Variants in CSMD2 observed in about 807,000 individuals in gnomAD.
CSMD2 encodes CUB and sushi domain-containing protein 2.
In CSMD2, 130 loss-of-function variants were observed where a neutral mutation model predicts 398.5. The observed-to-expected ratio is 0.33, with a 90% CI of 0.28 to 0.38. The LOEUF is 0.38. Ranked by LOEUF, CSMD2 falls within the 10% of genes least tolerant of loss-of-function variation. The probability of loss-of-function intolerance (pLI) is 1.00; values close to 1 mark genes in which losing one functional copy is unlikely to be tolerated. For missense variants in CSMD2, 3,829 were observed against 4,764.9 expected (o/e 0.80, Z 5.78); for synonymous variants, 1,828 against 1,908.5 (o/e 0.96, Z 1.10).
intron 3 of CSMD2, among the ~76,000 whole-genome samples, chr1:34,020,629 G>C (rs912199399): frequency 8.3e-6 from 1 of 121,102 alleles, no homozygotes; most frequent in Non-Finnish European, 1.7e-5. Context: ...GAACACGGTG[G>C]AGAGTGTGGG....
chr1:33,933,714 C>G (rs1337035149), intron 4 of CSMD2, among the ~76,000 whole-genome samples: 2 of 152,052 alleles, frequency 1.3e-5, no homozygotes, highest in South Asian at 2.1e-4. Flanking sequence ...CAAGGTCTCA[C>G]CTGATTGGTT....
chr1:33,917,810 C>T (rs977260106), intron 5 of CSMD2, among the ~76,000 whole-genome samples: 3 of 152,202 alleles, frequency 2.0e-5, no homozygotes, highest in Non-Finnish European at 4.4e-5. Context: ...GAGACCAGAA[C>T]ATTTTTAGTC....
At chr1:33,832,150 C>T (rs1459687096) in intron 6 of CSMD2, among the ~76,000 whole-genome samples, 2 of 127,172 alleles carry the variant, frequency 1.6e-5, no homozygotes, top group Non-Finnish European at 3.2e-5. Context: ...CTCAGCTCTG[C>T]ACCAAGTGGA....
chr1:33,519,604 G>A lies in CSMD2; in HGVS notation c.10810C>T (p.Pro3604Ser), dbSNP rs1654067006. The change falls in exon 70 of 71, where the codon CCA (proline) becomes TCA (serine). Residue 3604 changes from proline to serine, a missense_variant. Around this residue, in one of 5 missense-constraint regions of CSMD2, gnomAD observed 917 missense variants for 1,199.5 expected, o/e 0.76. Coordinates refer to ENST00000373381, the MANE Select transcript of CSMD2 (RefSeq NM_001281956.2). This position sits in a 1 kb window ranked among gnomAD's most constrained non-coding sequence, Gnocchi z 5.6. ...NTNVRATFEN[P>S]MYDRNIQPTD... is the part of the protein sequence containing the mutation. The stretch of plus-strand genomic sequence containing the variant: ...GGCTGGATGTTGCGGTCGTACATTG[G>A]GTTCTCAAATGTGGCCCGAACATTG... 1 of 1,613,956 alleles carries A rather than the reference G, an allele frequency of 6.2e-7. No homozygotes were observed. Among genetic ancestry groups the A allele is most frequent in the Non-Finnish European group, 8.5e-7 (1 of 1,180,028 alleles).
At chr1:33,894,831 T>C (rs1227885447) in intron 5 of CSMD2, among the ~76,000 whole-genome samples, 1 of 152,182 alleles carries the variant, frequency 6.6e-6, no homozygotes, top group African/African-American at 2.4e-5. Context: ...CTCTGTCTTG[T>C]TGGGGCATCC....
intron 49 of CSMD2, among the ~76,000 whole-genome samples, chr1:33,576,835 T>C (rs1638279569): frequency 6.6e-6 from 1 of 152,080 alleles, no homozygotes; most frequent in Non-Finnish European, 1.5e-5. Context: ...ATTTTTAGTT[T>C]GAATGTATAT....
chr1:33,782,959 G>A (rs760423673), intron 12 of CSMD2, among the ~76,000 whole-genome samples: 2 of 152,136 alleles, frequency 1.3e-5, no homozygotes, highest in Non-Finnish European at 2.9e-5. Context: ...TGGGTAGATG[G>A]GAGTGAGAGG....
At chr1:33,583,883 G>T in intron 46 of CSMD2, 53 bp from the exon 47 acceptor site, 1 of 1,493,392 alleles carries the variant, frequency 6.7e-7, no homozygotes, top group South Asian at 1.2e-5. Flanking sequence ...ATGGAACTAC[G>T]GCCAATACAT....
At chr1:33,935,685 T>C in intron 4 of CSMD2, 75 bp downstream of exon 4, 1 of 1,439,804 alleles carries the variant, frequency 6.9e-7, no homozygotes. Flanking sequence ...CCTTTGAGAC[T>C]GGATGTCACT....
At chr1:33,707,716 C>T (rs1241232930) in intron 22 of CSMD2, among the ~76,000 whole-genome samples, 1 of 139,826 alleles carries the variant, frequency 7.2e-6, no homozygotes, top group African/African-American at 3.2e-5. Flanking sequence ...CACACACACA[C>T]ACACACACAC....
intron 10 of CSMD2, among the ~76,000 whole-genome samples, chr1:33,800,814 G>T (rs184844160): frequency 6.6e-6 from 1 of 152,294 alleles, no homozygotes; most frequent in African/African-American, 2.4e-5. Flanking sequence ...AGCTGTAAAA[G>T]GGAAAGGAAT....
rs148244672 is a variant in CSMD2, at chr1:34,154,345, A to C, written c.187+10566T>G. Among the ~76,000 whole-genome samples the C allele has an allele frequency of 1.8e-4, 28 of 152,338 alleles. No individual in the cohort carries two copies. In the East Asian group the frequency reaches 2.7e-3, roughly 15 times the overall value. ...GCTCTGAAAAACATCATGGCAGAAC[A>C]TGAAAAATTAACACACTAACCCAGG... On this transcript the variant is annotated intron_variant, in intron 1 of 70. Coordinates refer to ENST00000373381, the MANE Select transcript of CSMD2 (RefSeq NM_001281956.2).
chr1:34,038,482 TTTTC>T (rs1174167277), intron 2 of CSMD2, among the ~76,000 whole-genome samples: 18 of 152,224 alleles, frequency 1.2e-4, no homozygotes, highest in Admixed American at 4.6e-4. Context: ...CTCCACTGTC[TTTTC>T]TTTGTTTTTG....
intron 12 of CSMD2, among the ~76,000 whole-genome samples, chr1:33,784,096 C>T (rs1653199294): frequency 1.3e-5 from 2 of 152,128 alleles, no homozygotes; most frequent in Admixed American, 6.5e-5. Flanking sequence ...GACTGAAATG[C>T]AAGTGGAGAA....
chr1:33,976,202 G>A (rs1645956843), intron 3 of CSMD2, among the ~76,000 whole-genome samples: 1 of 152,204 alleles, frequency 6.6e-6, no homozygotes, highest in Non-Finnish European at 1.5e-5. Flanking sequence ...AGACACAGAA[G>A]GGGAGCTCAT....
At chr1:33,843,348 T>C (rs1453261160) in intron 6 of CSMD2, among the ~76,000 whole-genome samples, 1 of 152,240 alleles carries the variant, frequency 6.6e-6, no homozygotes, top group Admixed American at 6.5e-5. Flanking sequence ...TAAATTCTGA[T>C]TGGACTGAGA....
chr1:33,840,605 G>A (rs566517616), intron 6 of CSMD2, among the ~76,000 whole-genome samples: 80 of 152,184 alleles, frequency 5.3e-4, no homozygotes, highest in Non-Finnish European at 9.8e-4. Context: ...GTGAATGAAC[G>A]ACTGTTATAA....
chr1:33,831,779 G>A (rs1659598699), intron 6 of CSMD2, among the ~76,000 whole-genome samples: 1 of 151,816 alleles, frequency 6.6e-6, no homozygotes. Flanking sequence ...CTCACGTGCA[G>A]AGACACACAT....
chr1:33,888,229 AG>A (rs1641731096), intron 5 of CSMD2, among the ~76,000 whole-genome samples: 1 of 152,234 alleles, frequency 6.6e-6, no homozygotes, highest in African/African-American at 2.4e-5. Context: ...CGAAAGTCAC[AG>A]TGAAATTTCT....
Sources: gnomAD v4.1 joint callset for allele counts (sites outside exome capture counted in the v4.1 genomes callset) on GRCh38, gnomAD v4.1.1 for gene constraint, gnomAD v4.1.1 regional missense constraint, Gnocchi (gnomAD v3.1) non-coding constraint, MANE v1.5 for transcripts, NCBI Gene and HGNC (gene_info 2026-07-23, HGNC 2026-07-21) for gene names.